UQCC1: variants seen among roughly 807,000 people sequenced by gnomAD.
The protein encoded by UQCC1 is ubiquinol-cytochrome c reductase complex assembly factor 1.
A neutral mutation model predicts 48.0 loss-of-function variants in UQCC1; 38 were observed. The ratio of observed to expected loss-of-function variants is 0.79; its 90% confidence interval spans 0.61 to 1.04. UQCC1 has a LOEUF of 1.04. Ranked by LOEUF, UQCC1 falls within the 50% of genes least tolerant of loss-of-function variation. UQCC1 has a pLI of 0.00. For synonymous variants in UQCC1, 111 were observed against 129.2 expected (o/e 0.86, Z 0.95); for missense variants, 368 against 381.8 (o/e 0.96, Z 0.30).
intron 1 of UQCC1, among the ~76,000 whole-genome samples, chr20:35,406,041 A>G (rs558622097): frequency 2.0e-4 from 30 of 152,296 alleles, no homozygotes; most frequent in Middle Eastern, 3.4e-3. Flanking sequence ...AGAAAGAAAA[A>G]GCAATAAAGA....
chr20:35,329,204 T>C (rs1052905499), intron 7 of UQCC1, among the ~76,000 whole-genome samples: 3 of 152,180 alleles, frequency 2.0e-5, no homozygotes, highest in African/African-American at 7.2e-5. Flanking sequence ...TTAGGATGAT[T>C]AGTCAGGCTG....
intron 1 of UQCC1, among the ~76,000 whole-genome samples, chr20:35,403,658 A>G (rs549774654): frequency 6.6e-6 from 1 of 152,328 alleles, no homozygotes; most frequent in African/African-American, 2.4e-5. Context: ...CTTGGAACCA[A>G]CCCAAATGCC....
intron 9 of UQCC1, among the ~76,000 whole-genome samples, chr20:35,305,067 T>C (rs967200619): frequency 5.3e-5 from 8 of 152,242 alleles, no homozygotes; most frequent in Non-Finnish European, 1.2e-4. Flanking sequence ...GCCCAGCTCC[T>C]GCTCTTCCTT....
At chr20:35,400,920 A>G (rs2062155207) in intron 1 of UQCC1, among the ~76,000 whole-genome samples, 1 of 152,114 alleles carries the variant, frequency 6.6e-6, no homozygotes, top group African/African-American at 2.4e-5. Flanking sequence ...CTACCCTTTA[A>G]TCAGTCCACT....
At chr20:35,387,059 C>T (rs2146496841) in intron 2 of UQCC1, among the ~76,000 whole-genome samples, 1 of 151,914 alleles carries the variant, frequency 6.6e-6, no homozygotes, top group East Asian at 1.9e-4. Context: ...GGAGGGTTGC[C>T]TGAGTCCAGG....
At chr20:35,396,459 T>C (rs1185520470) in intron 1 of UQCC1, among the ~76,000 whole-genome samples, 3 of 151,864 alleles carry the variant, frequency 2.0e-5, no homozygotes, top group Non-Finnish European at 4.4e-5. Context: ...AAGGCTTGCA[T>C]AGCTGTGCCT....
intron 1 of UQCC1, 57 bp from the exon 2 acceptor site, chr20:35,394,253 G>A: frequency 7.0e-7 from 1 of 1,424,764 alleles, no homozygotes; most frequent in African/African-American, 1.4e-5. Flanking sequence ...CTACATGGAA[G>A]GCAAAGAGTG....
intron 9 of UQCC1, 58 bp downstream of exon 9, chr20:35,306,607 GC>G: frequency 7.6e-7 from 1 of 1,324,488 alleles, no homozygotes; most frequent in Admixed American, 1.7e-5. Context: ...TCCCCTGAAA[GC>G]CCAAGAGGAG....
intron 4 of UQCC1, among the ~76,000 whole-genome samples, chr20:35,379,253 C>A (rs2146475216): frequency 6.6e-6 from 1 of 152,170 alleles, no homozygotes; most frequent in Admixed American, 6.5e-5. Context: ...CACATGAAAC[C>A]TAAAGAAAAA....
At chr20:35,403,273 G>T (rs895038383) in intron 1 of UQCC1, among the ~76,000 whole-genome samples, 1 of 152,120 alleles carries the variant, frequency 6.6e-6, no homozygotes, top group African/African-American at 2.4e-5. Context: ...TGTGGTATTA[G>T]AATAGATTAG....
At chr20:35,338,961 G>A (rs575775457) in intron 7 of UQCC1, among the ~76,000 whole-genome samples, 17 of 126,592 alleles carry the variant, frequency 1.3e-4, no homozygotes, top group Non-Finnish European at 2.5e-4. Flanking sequence ...ACTCAGAACC[G>A]CTGAATAGAG....
intron 1 of UQCC1, among the ~76,000 whole-genome samples, chr20:35,399,790 A>G (rs1183711429): frequency 1.3e-5 from 2 of 150,438 alleles, no homozygotes; most frequent in East Asian, 4.0e-4. Flanking sequence ...CTGGGGAGAC[A>G]GAGATTACAG....
intron 6 of UQCC1, among the ~76,000 whole-genome samples, chr20:35,352,267 A>G (rs1029107567): frequency 5.9e-5 from 9 of 152,232 alleles, no homozygotes; most frequent in Admixed American, 5.9e-4. Context: ...GTAACAATGA[A>G]TACCTAGATT....
intron 5 of UQCC1, among the ~76,000 whole-genome samples, chr20:35,372,200 T>G (rs1184922278): frequency 1.3e-5 from 2 of 151,038 alleles, no homozygotes; most frequent in African/African-American, 4.9e-5. Flanking sequence ...TAATCCCAGC[T>G]ACTTGGGAGG....
chr20:35,364,219 T>C (rs2061640200), intron 6 of UQCC1, among the ~76,000 whole-genome samples: 1 of 152,154 alleles, frequency 6.6e-6, no homozygotes, highest in East Asian at 1.9e-4. Context: ...TCGTGGTGCA[T>C]CTCAAATGTC....
intron 1 of UQCC1, among the ~76,000 whole-genome samples, chr20:35,408,176 C>T (rs2062281088): frequency 6.6e-6 from 1 of 152,252 alleles, no homozygotes; most frequent in Non-Finnish European, 1.5e-5. Context: ...CACCTGTAAT[C>T]CTAACACTTC....
intron 5 of UQCC1, among the ~76,000 whole-genome samples, chr20:35,366,881 G>C (rs1447383267): frequency 3.3e-5 from 5 of 151,938 alleles, no homozygotes; most frequent in Non-Finnish European, 5.9e-5. Flanking sequence ...ATCACCTCAG[G>C]TCAGGAGATC....
Position 35,303,691 on chromosome 20 carries a change from T to G in UQCC1, c.*244A>C, listed in dbSNP as rs2060895396. On this transcript the variant is annotated 3_prime_UTR_variant, in exon 10 of 10. Coordinates refer to ENST00000374385, the MANE Select transcript of UQCC1 (RefSeq NM_018244.5). ...GGAGTGTGTGCTGGGGGACTCTCAC[T>G]CGGGGCTTCCCCTAAGGGAGAGGAC... The G allele has an allele frequency of 3.7e-6, 2 of 538,004 alleles. No homozygotes were observed. Among genetic ancestry groups the G allele is most frequent in the South Asian group, 4.5e-5 (2 of 44,874 alleles). The allele number at this position is 538,004 out of a possible 1,614,324, so 33.3% of individuals were successfully genotyped here.
At chr20:35,349,286 T>C (rs1358984809) in intron 6 of UQCC1, among the ~76,000 whole-genome samples, 1 of 152,002 alleles carries the variant, frequency 6.6e-6, no homozygotes, top group Non-Finnish European at 1.5e-5. Context: ...CTTCAACAGG[T>C]TGAATCTAAC....
Sources: allele counts gnomAD v4.1 joint callset (sites outside exome capture counted in the v4.1 genomes callset), GRCh38; gene constraint gnomAD v4.1.1; transcripts MANE v1.5; gene names NCBI Gene and HGNC (gene_info 2026-07-23, HGNC 2026-07-21).